Variants in NTRK3 observed in about 807,000 individuals in gnomAD.
NTRK3 encodes the protein NT-3 growth factor receptor.
NTRK3 carries 24 observed loss-of-function variants against 91.7 expected under a neutral mutation model. The ratio of observed to expected loss-of-function variants is 0.26; its 90% CI spans 0.19 to 0.37. NTRK3 has a LOEUF of 0.37. Among genes scored for constraint, NTRK3 ranks in the 10% least tolerant of loss-of-function variants. The pLI is 1.00. For missense variants in NTRK3, 880 were observed against 1,068.9 expected (o/e 0.82, Z 2.46); for synonymous variants, 483 against 404.0 (o/e 1.20, Z -2.34).
exon 19 of NTRK3, chr15:87,876,895 A>G (rs1167317154): frequency 6.2e-7 from 1 of 1,605,184 alleles, no homozygotes; most frequent in Non-Finnish European, 8.5e-7. Flanking sequence ...GCAGGGAGAG[A>G]GGAGGCAACA....
chr15:88,057,039 C>G (rs867814421), intron 13 of NTRK3, among the ~76,000 whole-genome samples: 4 of 150,584 alleles, frequency 2.7e-5, no homozygotes, highest in Middle Eastern at 3.4e-3. Context: ...CATGGTGGCG[C>G]GCGCCTGTAG....
At chr15:88,124,514 T>C (rs2053081364) in intron 13 of NTRK3, among the ~76,000 whole-genome samples, 1 of 152,174 alleles carries the variant, frequency 6.6e-6, no homozygotes, top group Non-Finnish European at 1.5e-5. Flanking sequence ...AGAGCAACAA[T>C]GCCCCATTCT....
chr15:87,929,147 G>A (rs769070828), intron 17 of NTRK3, 44 bp downstream of exon 17: 49 of 1,613,828 alleles, frequency 3.0e-5, no homozygotes, highest in African/African-American at 2.7e-5. Flanking sequence ...TAAGCAAGGC[G>A]CTAGCTCTGT....
At chr15:87,981,505 T>C (rs2074265948) in intron 14 of NTRK3, 1 of 1,037,966 alleles carries the variant, frequency 9.6e-7, no homozygotes, top group Non-Finnish European at 1.5e-6. Context: ...CTGCTGTGCC[T>C]GTAGTGGCAG....
rs1471735145 is a variant in NTRK3, at chr15:88,255,696, A to T, written c.248+210T>A. ...TCTCCGGGGAGAGGCACACACACGC[A>T]TAGCCGGATCGCGCCTCGCCAGGGC... On this transcript the variant is annotated intron_variant, in intron 3 of 18. Transcript: ENST00000394480. The surrounding 1 kb of genome is among the most constrained non-coding windows in gnomAD (Gnocchi z 4.3). 1.3e-5 allele frequency among the ~76,000 whole-genome samples: 2 copies of T among 152,142 alleles called. No individual in the cohort carries two copies. Among genetic ancestry groups the T allele is most frequent in the Non-Finnish European group, 2.9e-5 (2 of 68,016 alleles).
Position 88,241,139 on chromosome 15 carries a change from T to C in NTRK3, c.248+14767A>G, listed in dbSNP as rs1377567479. Among the ~76,000 whole-genome samples the C allele has an allele frequency of 2.0e-5, 3 of 152,108 alleles. No individual in the cohort carries two copies. The highest frequency in any genetic ancestry group is 6.5e-5 in the Admixed American group (1 of 15,280). On this transcript the variant is annotated intron_variant, in intron 3 of 18. Coordinates refer to ENST00000394480, the Ensembl canonical transcript of NTRK3. This position sits in a 1 kb window ranked among gnomAD's most constrained non-coding sequence, Gnocchi z 4.3. ...CAGGAACATTAACAAGCTAATGCCA[T>C]ATAGGACACATCGTGGGGCTCCCGA... is the stretch of plus-strand genomic sequence containing the variant.
chr15:88,028,303 A>C (rs4887348), intron 14 of NTRK3, among the ~76,000 whole-genome samples: 1 of 152,060 alleles, frequency 6.6e-6, no homozygotes, highest in African/African-American at 2.4e-5. Flanking sequence ...CAGTGTTTCC[A>C]GTGCCTAAAA....
At chr15:88,147,228 G>C (rs747871628) in intron 6 of NTRK3, 107 bp downstream of exon 6, 24 of 1,026,136 alleles carry the variant, frequency 2.3e-5, no homozygotes, top group Admixed American at 2.1e-4. Flanking sequence ...TAGGCTCTTC[G>C]AGTAGATGTA....
At chr15:88,212,257 C>T (rs543271536) in intron 3 of NTRK3, among the ~76,000 whole-genome samples, 4 of 152,208 alleles carry the variant, frequency 2.6e-5, no homozygotes, top group African/African-American at 9.6e-5. Flanking sequence ...GTAGTCCCAG[C>T]TACTTGGGAG....
At chr15:88,178,422 C>A (rs555131844) in intron 5 of NTRK3, among the ~76,000 whole-genome samples, 13 of 152,356 alleles carry the variant, frequency 8.5e-5, no homozygotes, top group African/African-American at 2.4e-4. Flanking sequence ...CACAGCATCA[C>A]TGACTTCCTC....
At chr15:88,072,069 G>T (rs538968437) in intron 13 of NTRK3, among the ~76,000 whole-genome samples, 1 of 143,486 alleles carries the variant, frequency 7.0e-6, no homozygotes, top group East Asian at 2.1e-4. Context: ...GCAGTGGTGT[G>T]ATCTCGGCTC....
intron 3 of NTRK3, among the ~76,000 whole-genome samples, chr15:88,188,900 T>A (rs1439751191): frequency 6.6e-6 from 1 of 152,224 alleles, no homozygotes; most frequent in Non-Finnish European, 1.5e-5. Context: ...CTCATGCCTC[T>A]TCATTCCATA....
chr15:88,137,849 G>A (rs1342583724), intron 6 of NTRK3, among the ~76,000 whole-genome samples: 1 of 152,182 alleles, frequency 6.6e-6, no homozygotes, highest in East Asian at 1.9e-4. Context: ...TCAAGAGATT[G>A]AGACCATCCT....
intron 5 of NTRK3, among the ~76,000 whole-genome samples, chr15:88,155,132 C>T (rs990737297): frequency 6.6e-6 from 1 of 152,086 alleles, no homozygotes; most frequent in African/African-American, 2.4e-5. Context: ...TAACTTACAC[C>T]GCAGAGGTGA....
chr15:87,885,690 C>A lies in NTRK3; in HGVS notation c.2134-5262G>T. The A allele has an allele frequency of 7.2e-7, 1 of 1,386,276 alleles. No homozygotes were observed. Among genetic ancestry groups the A allele is most frequent in the Non-Finnish European group, 9.7e-7 (1 of 1,032,438 alleles). The allele number at this position is 1,386,276 out of a possible 1,614,324, so 85.9% of individuals were successfully genotyped here. A position where few individuals can be genotyped will look rare whatever the true frequency, so the allele number is the denominator to read the frequency against. On this transcript the variant is annotated intron_variant, in intron 17 of 18. Transcript: ENST00000394480. ...CATTAAAAAAAATACGCTTAGATACCTACCTCACACCATATACAAAAATCA... is the reference window on the plus strand; with the variant it reads ...CATTAAAAAAAATACGCTTAGATACATACCTCACACCATATACAAAAATCA...
chr15:88,074,188 G>A (rs765001268), intron 13 of NTRK3, among the ~76,000 whole-genome samples: 1 of 152,210 alleles, frequency 6.6e-6, no homozygotes, highest in African/African-American at 2.4e-5. Context: ...CAGAGACTCA[G>A]AGGACTAAGT....
Position 87,883,488 on chromosome 15 carries a change from C to T in NTRK3, c.2134-3060G>A, listed in dbSNP as rs2065364869. ...ATCATTATAATGGAAAACTAAAATGCTTCACAAATTGAAAGATCAAGAAGA... is the reference window on the plus strand; with the variant it reads ...ATCATTATAATGGAAAACTAAAATGTTTCACAAATTGAAAGATCAAGAAGA... On this transcript the variant is annotated intron_variant, in intron 17 of 18. Transcript: ENST00000394480. Among the ~76,000 whole-genome samples, 3 of 150,262 alleles carry T rather than the reference C, an allele frequency of 2.0e-5. No individual in the cohort carries two copies. In the South Asian group the frequency reaches 6.2e-4, roughly 31 times the overall value.
chr15:87,930,437 C>A (rs537356016), intron 16 of NTRK3, among the ~76,000 whole-genome samples: 1 of 152,236 alleles, frequency 6.6e-6, no homozygotes, highest in African/African-American at 2.4e-5. Flanking sequence ...TGAAAAGCAC[C>A]ATTAAGTAGG....
chr15:87,897,083 C>A (rs1039922507), intron 17 of NTRK3, among the ~76,000 whole-genome samples: 1 of 152,124 alleles, frequency 6.6e-6, no homozygotes, highest in South Asian at 2.1e-4. Flanking sequence ...TCAGTCTGAG[C>A]CTCTAGCCCC....
Sources: allele counts gnomAD v4.1 joint callset (sites outside exome capture counted in the v4.1 genomes callset), GRCh38; gene constraint gnomAD v4.1.1; non-coding constraint Gnocchi (gnomAD v3.1); transcripts MANE v1.5; gene names NCBI Gene and HGNC (gene_info 2026-07-23, HGNC 2026-07-21).